The following SH3GL2 variants were observed in gnomAD, a reference collection of about 807,000 sequenced individuals.
The protein encoded by SH3GL2 is SH3 domain containing GRB2 like 2, endophilin A1.
A neutral mutation model predicts 46.0 loss-of-function variants in SH3GL2; 24 were observed. That is an observed-to-expected ratio of 0.52 (90% CI 0.38 to 0.73). SH3GL2 has a LOEUF of 0.73. Ranked by LOEUF, SH3GL2 falls within the 30% of genes least tolerant of loss-of-function variation. The probability of loss-of-function intolerance (pLI) is 0.00; values close to 1 mark genes in which losing one functional copy is unlikely to be tolerated. For synonymous variants in SH3GL2, 196 were observed against 147.1 expected (o/e 1.33, Z -2.40); for missense variants, 413 against 424.2 (o/e 0.97, Z 0.23).
intron 1 of SH3GL2, among the ~76,000 whole-genome samples, chr9:17,627,467 A>G: frequency 6.6e-6 from 1 of 152,160 alleles, no homozygotes; most frequent in East Asian, 1.9e-4. Context: ...CTATGGTGAA[A>G]AGTAACAGAC....
At chr9:17,591,968 A>T in intron 1 of SH3GL2, among the ~76,000 whole-genome samples, 1 of 152,204 alleles carries the variant, frequency 6.6e-6, no homozygotes, top group East Asian at 1.9e-4. Context: ...TCACCAGCAA[A>T]ACAGAACCAA....
At chr9:17,613,626 G>A (rs981323048) in intron 1 of SH3GL2, among the ~76,000 whole-genome samples, 2 of 152,146 alleles carry the variant, frequency 1.3e-5, no homozygotes, top group East Asian at 3.9e-4. Flanking sequence ...GTTACGTGAA[G>A]ACCTTGTGTG....
chr9:17,689,470 A>G (rs1821015076), intron 1 of SH3GL2, among the ~76,000 whole-genome samples: 1 of 152,096 alleles, frequency 6.6e-6, no homozygotes, highest in East Asian at 1.9e-4. Flanking sequence ...GTACAGTGCT[A>G]ATAAGAGGGG....
intron 1 of SH3GL2, among the ~76,000 whole-genome samples, chr9:17,706,261 T>G (rs1359523072): frequency 1.3e-5 from 2 of 152,124 alleles, no homozygotes; most frequent in Non-Finnish European, 2.9e-5. Context: ...TGATCATACT[T>G]CTTCCTTTCA....
intron 8 of SH3GL2, among the ~76,000 whole-genome samples, chr9:17,794,635 C>T (rs933012896): frequency 6.6e-6 from 1 of 152,164 alleles, no homozygotes; most frequent in African/African-American, 2.4e-5. Context: ...ACCTAGATGG[C>T]ATGGGAACTG....
Position 17,623,703 on chromosome 9 carries a change from CCT to C in SH3GL2, c.45+44417_45+44418del, listed in dbSNP as rs1292139780. 3.9e-5 allele frequency among the ~76,000 whole-genome samples: 3 copies of C among 76,668 alleles called. No individual in the cohort carries two copies. In the Admixed American group the frequency reaches 5.5e-4, roughly 14 times the overall value. 50.3% of individuals were successfully genotyped at this position (76,668 alleles called of 152,430 possible). A position where few individuals can be genotyped will look rare whatever the true frequency, so the allele number is the denominator to read the frequency against. ...TTATATTTAACCCTATTTATAATTT[CCT>C]ACACACACACACACACACACACACA... On this transcript the variant is annotated intron_variant, in intron 1 of 8. Transcript: ENST00000380607.
At chr9:17,753,016 C>T (rs959635300) in intron 2 of SH3GL2, among the ~76,000 whole-genome samples, 1 of 152,112 alleles carries the variant, frequency 6.6e-6, no homozygotes, top group Non-Finnish European at 1.5e-5. Context: ...CAGGTTCATC[C>T]ATGTCCCTGC....
rs1399659774 is a variant in SH3GL2 at position 17,793,436 on chromosome 9, A to C, written c.798A>C (p.Pro266=). ...QPKPRMSLEF[P]TGDSTQPNGG... ...AACCACGAATGAGCCTGGAGTTTCCAACTGGAGACAGTACTCAGCCCAATG... is the reference window on the plus strand; with the variant it reads ...AACCACGAATGAGCCTGGAGTTTCCCACTGGAGACAGTACTCAGCCCAATG... The change falls in exon 8 of 9, where the codon CCA becomes CCC. Residue 266 remains proline (P), a synonymous_variant. Coordinates refer to ENST00000380607, the MANE Select transcript of SH3GL2 (RefSeq NM_003026.5). 1 of 1,612,372 alleles carries C rather than the reference A, an allele frequency of 6.2e-7. No individual in the cohort carries two copies. The highest frequency in any genetic ancestry group is 1.7e-5 in the Admixed American group (1 of 59,594).
At position 17,705,882 on chromosome 9, in the gene SH3GL2, C is replaced by A. The variant is rs117138551; in HGVS notation, c.46-41184C>A. ...CTATCACCTGGGTAACAAAATACACCAAATGCTCATGACATGCAATTTACC... is the reference window on the plus strand; with the variant it reads ...CTATCACCTGGGTAACAAAATACACAAAATGCTCATGACATGCAATTTACC... On this transcript the variant is annotated intron_variant, in intron 1 of 8. Coordinates refer to ENST00000380607, the MANE Select transcript of SH3GL2 (RefSeq NM_003026.5). Among the ~76,000 whole-genome samples, 176 of 151,946 alleles carry A rather than the reference C, an allele frequency of 1.2e-3. 6 individuals are homozygous for A. The East Asian group carries it at 0.025, about 22-fold the overall frequency.
At chr9:17,764,282 A>C (rs1209189423) in intron 3 of SH3GL2, among the ~76,000 whole-genome samples, 1 of 152,216 alleles carries the variant, frequency 6.6e-6, no homozygotes, top group Admixed American at 6.5e-5. Flanking sequence ...ACCTGCATTT[A>C]ATTGTTTACA....
rs561962500 is a variant in SH3GL2 at position 17,769,268 on chromosome 9, T to G, written c.187+7759T>G. On this transcript the variant is annotated intron_variant, in intron 3 of 8. Transcript: ENST00000380607. Reference sequence around the variant, plus strand: ...ACCGAAATGCAGTGACGCAGTGACTTGAGCACAGGATTGTTTGTACACTGC... The same window carrying G: ...ACCGAAATGCAGTGACGCAGTGACTGGAGCACAGGATTGTTTGTACACTGC... Among the ~76,000 whole-genome samples the G allele has an allele frequency of 9.8e-5, 15 of 152,366 alleles. No individual in the cohort carries two copies. In the South Asian group the frequency reaches 3.1e-3, roughly 32 times the overall value.
In SH3GL2 at chr9:17,585,708, C is replaced by T. The variant is rs533520220; in HGVS notation, c.45+6421C>T. 9.9e-5 allele frequency among the ~76,000 whole-genome samples: 15 copies of T among 152,212 alleles called. No homozygotes were observed. In the South Asian group the frequency reaches 2.5e-3, roughly 25 times the overall value. ...TCACAGCTCAGTGCAGTTCACAGTG[C>T]GTTGCATTGGTGCATTGGTAGGTCG... On this transcript the variant is annotated intron_variant, in intron 1 of 8. Coordinates refer to ENST00000380607, the MANE Select transcript of SH3GL2 (RefSeq NM_003026.5).
At chr9:17,642,009 T>C (rs1341636617) in intron 1 of SH3GL2, among the ~76,000 whole-genome samples, 3 of 152,168 alleles carry the variant, frequency 2.0e-5, no homozygotes, top group Non-Finnish European at 4.4e-5. Context: ...CCTTGAGGAA[T>C]CACCACACTG....
chr9:17,593,500 G>GTATA (rs1818520853), intron 1 of SH3GL2, among the ~76,000 whole-genome samples: 1 of 152,108 alleles, frequency 6.6e-6, no homozygotes, highest in Admixed American at 6.5e-5. Context: ...GTATTTTGAG[G>GTATA]TATATATATA....
chr9:17,597,043 C>G (rs982957702), intron 1 of SH3GL2, among the ~76,000 whole-genome samples: 4 of 152,274 alleles, frequency 2.6e-5, no homozygotes, highest in African/African-American at 9.6e-5. Flanking sequence ...CTTTTCCAAC[C>G]TCTGCAGCAT....
chr9:17,720,057 G>C lies in SH3GL2; in HGVS notation c.46-27009G>C, dbSNP rs75089745. 3.6e-3 allele frequency among the ~76,000 whole-genome samples: 546 copies of C among 152,074 alleles called. 6 individuals carry two copies. The highest frequency in any genetic ancestry group is 0.011 in the African/African-American group (446 of 41,502). On this transcript the variant is annotated intron_variant, in intron 1 of 8. Coordinates refer to ENST00000380607, the MANE Select transcript of SH3GL2 (RefSeq NM_003026.5). ...CCAAAACAAATACACAAAATCATCA[G>C]TGACAAAGTAGTATTAAATTTTATC... is the stretch of plus-strand genomic sequence containing the variant.
intron 1 of SH3GL2, among the ~76,000 whole-genome samples, chr9:17,645,182 T>TTTTA (rs1819781790): frequency 4.1e-5 from 3 of 72,760 alleles, no homozygotes; most frequent in Admixed American, 1.5e-4. Context: ...TTTTTTTTTT[T>TTTTA]GCTTTCCATT....
intron 1 of SH3GL2, among the ~76,000 whole-genome samples, chr9:17,711,828 C>A (rs1185536290): frequency 1.3e-5 from 2 of 151,646 alleles, no homozygotes; most frequent in Non-Finnish European, 3.0e-5. Context: ...TAGGGTAAAT[C>A]TAAGAATGGA....
At position 17,720,283 on chromosome 9, in the gene SH3GL2, C is replaced by T. The variant is rs140123447; in HGVS notation, c.46-26783C>T. Among the ~76,000 whole-genome samples, 1,370 of 152,130 alleles carry T rather than the reference C, an allele frequency of 9.0e-3. 23 individuals are homozygous for T. Among genetic ancestry groups the T allele is most frequent in the African/African-American group, 0.031 (1,270 of 41,524 alleles). ...GAAAGTTACTTTTCTAACATGCTTTCGATACTTAGATTGTTAAAAGAAAAA... is the reference window on the plus strand; with the variant it reads ...GAAAGTTACTTTTCTAACATGCTTTTGATACTTAGATTGTTAAAAGAAAAA... On this transcript the variant is annotated intron_variant, in intron 1 of 8. Coordinates refer to ENST00000380607, the MANE Select transcript of SH3GL2 (RefSeq NM_003026.5).
Sources: allele counts gnomAD v4.1 joint callset (sites outside exome capture counted in the v4.1 genomes callset), GRCh38; gene constraint gnomAD v4.1.1; transcripts MANE v1.5; gene names NCBI Gene and HGNC (gene_info 2026-07-23, HGNC 2026-07-21).